Variants in PDE10A observed in about 807,000 individuals in gnomAD.
PDE10A encodes phosphodiesterase 10A.
A neutral mutation model predicts 97.7 loss-of-function variants in PDE10A; 39 were observed. The ratio of observed to expected loss-of-function variants is 0.40; its 90% CI spans 0.31 to 0.52. The LOEUF is 0.52. Among genes scored for constraint, PDE10A ranks in the 20% least tolerant of loss-of-function variants. The pLI, the probability that PDE10A is intolerant of heterozygous loss-of-function variation, is 0.56. For missense variants in PDE10A, 731 were observed against 1,047.8 expected (o/e 0.70, Z 4.17); for synonymous variants, 371 against 376.8 (o/e 0.98, Z 0.18).
chr6:165,889,109 G>A (rs1256238666), intron 1 of PDE10A, among the ~76,000 whole-genome samples: 2 of 152,162 alleles, frequency 1.3e-5, no homozygotes, highest in Non-Finnish European at 2.9e-5. Flanking sequence ...ACATTTTGTT[G>A]GGAAGCATTG....
intron 1 of PDE10A, among the ~76,000 whole-genome samples, chr6:165,598,471 A>C (rs1465678253): frequency 6.6e-6 from 1 of 152,212 alleles, no homozygotes; most frequent in African/African-American, 2.4e-5. Flanking sequence ...GTTGCTCCAT[A>C]TCATGAAAAT....
intron 1 of PDE10A, among the ~76,000 whole-genome samples, chr6:165,791,072 G>T (rs940660345): frequency 2.0e-5 from 3 of 151,944 alleles, no homozygotes; most frequent in Non-Finnish European, 4.4e-5. Context: ...AGCTTCCTAA[G>T]TAGCTGAAAC....
At chr6:165,650,501 AGTGT>A (rs769703785) in intron 1 of PDE10A, among the ~76,000 whole-genome samples, 1 of 145,678 alleles carries the variant, frequency 6.9e-6, no homozygotes, top group Non-Finnish European at 1.5e-5. Context: ...AATGTATCTG[AGTGT>A]GTGTGTATGT....
At chr6:165,749,054 T>G (rs899570797) in intron 1 of PDE10A, among the ~76,000 whole-genome samples, 1 of 152,196 alleles carries the variant, frequency 6.6e-6, no homozygotes, top group Non-Finnish European at 1.5e-5. Flanking sequence ...ATCTCTCATC[T>G]CTTTTAGAGT....
At chr6:165,707,112 T>TG (rs1471496283) in intron 1 of PDE10A, among the ~76,000 whole-genome samples, 1 of 152,226 alleles carries the variant, frequency 6.6e-6, no homozygotes, top group South Asian at 2.1e-4. Context: ...TGGAAATTCC[T>TG]GGGGAAAGCC....
chr6:165,755,992 T>G (rs1793109487), intron 1 of PDE10A, among the ~76,000 whole-genome samples: 1 of 152,198 alleles, frequency 6.6e-6, no homozygotes, highest in African/African-American at 2.4e-5. Flanking sequence ...GGAAGACACA[T>G]GGACTCCTTC....
chr6:165,402,511 T>A lies in PDE10A; in HGVS notation c.2077-6052A>T, dbSNP rs987939629. Among the ~76,000 whole-genome samples the A allele has an allele frequency of 2.0e-5, 3 of 152,284 alleles. No individual in the cohort carries two copies. In the East Asian group the frequency reaches 5.8e-4, roughly 29 times the overall value. The stretch of plus-strand genomic sequence containing the variant: ...CTGATGAAGGTAGAAAACTATGTTG[T>A]CTTTTTAGGTGCATTTTGTATAAAT... On this transcript the variant is annotated intron_variant, in intron 13 of 21. Transcript: ENST00000539869.
chr6:165,747,858 CTTGT>C, intron 1 of PDE10A, among the ~76,000 whole-genome samples: 1 of 152,320 alleles, frequency 6.6e-6, no homozygotes, highest in South Asian at 2.1e-4. Flanking sequence ...TGGCTCCTTG[CTTGT>C]TTCTCTTCTG....
At chr6:165,573,092 T>C (rs1185428099) in intron 1 of PDE10A, among the ~76,000 whole-genome samples, 1 of 152,212 alleles carries the variant, frequency 6.6e-6, no homozygotes, top group Non-Finnish European at 1.5e-5. Flanking sequence ...CATCCTGATA[T>C]AGGCACCTTG....
chr6:165,770,302 A>G lies in PDE10A; in HGVS notation c.-615+217227T>C, dbSNP rs375175978. ...TCTGCAACTTAGGAATTGTAGAATA[A>G]CATCTTTTTAAAAAAAAAGAAAGAA... On this transcript the variant is annotated intron_variant, in intron 1 of 19. Transcript: ENST00000366882. 1.4e-3 allele frequency among the ~76,000 whole-genome samples: 209 copies of G among 152,306 alleles called. 4 individuals carry two copies. In the Middle Eastern group the frequency reaches 0.027, roughly 20 times the overall value.
At chr6:165,471,555 C>A (rs1167685526) in intron 3 of PDE10A, among the ~76,000 whole-genome samples, 1 of 152,082 alleles carries the variant, frequency 6.6e-6, no homozygotes, top group African/African-American at 2.4e-5. Context: ...TAGGAACCAC[C>A]CCCTGAACAC....
intron 1 of PDE10A, among the ~76,000 whole-genome samples, chr6:165,649,790 A>G (rs557429256): frequency 5.3e-5 from 8 of 152,368 alleles, no homozygotes; most frequent in African/African-American, 1.9e-4. Flanking sequence ...TAGTATCTAA[A>G]GCTCATGTTT....
intron 1 of PDE10A, among the ~76,000 whole-genome samples, chr6:165,668,826 G>A (rs925946172): frequency 6.6e-6 from 1 of 151,098 alleles, no homozygotes; most frequent in South Asian, 2.1e-4. Context: ...AGGGAGGGAG[G>A]GTTCTTTCAC....
intron 5 of PDE10A, among the ~76,000 whole-genome samples, chr6:165,444,798 G>C (rs1277206992): frequency 6.6e-6 from 1 of 151,904 alleles, no homozygotes; most frequent in Non-Finnish European, 1.5e-5. Context: ...ATATTTAAAT[G>C]TTATTTGTTA....
At chr6:165,970,778 TACA>T (rs1390207944) in intron 1 of PDE10A, among the ~76,000 whole-genome samples, 2 of 152,202 alleles carry the variant, frequency 1.3e-5, no homozygotes, top group African/African-American at 4.8e-5. Context: ...TGAATAGAAT[TACA>T]ACAACAAAAA....
At chr6:165,543,597 C>A in intron 1 of PDE10A, 29 bp from the exon 2 acceptor site, 1 of 1,573,758 alleles carries the variant, frequency 6.4e-7, no homozygotes, top group South Asian at 1.1e-5. Context: ...GAATAAAATT[C>A]ACCTATACAA....
intron 1 of PDE10A, among the ~76,000 whole-genome samples, chr6:165,625,258 A>G (rs1475652292): frequency 1.3e-5 from 2 of 152,206 alleles, no homozygotes; most frequent in Non-Finnish European, 2.9e-5. Flanking sequence ...ACCAGCAAGG[A>G]GCCAGGCCAA....
At chr6:165,719,240 T>C (rs939986539) in intron 1 of PDE10A, among the ~76,000 whole-genome samples, 5 of 152,170 alleles carry the variant, frequency 3.3e-5, no homozygotes, top group African/African-American at 4.8e-5. Flanking sequence ...AGGAGTCTCA[T>C]GTTCAATGGC....
intron 1 of PDE10A, among the ~76,000 whole-genome samples, chr6:165,868,299 G>T (rs1275220605): frequency 1.3e-5 from 2 of 151,700 alleles, no homozygotes. Context: ...TAGAGAGAAG[G>T]CCCAAATAAA....
Sources: gnomAD v4.1 joint callset for allele counts (sites outside exome capture counted in the v4.1 genomes callset) on GRCh38, gnomAD v4.1.1 for gene constraint, MANE v1.5 for transcripts, NCBI Gene and HGNC (gene_info 2026-07-23, HGNC 2026-07-21) for gene names.